DACH1: variants seen among roughly 807,000 people sequenced by gnomAD.
DACH1 encodes the protein dachshund family transcription factor 1, also known as dachshund homolog 1.
In DACH1, 12 loss-of-function variants were observed where a neutral mutation model predicts 54.2. The ratio of observed to expected loss-of-function variants is 0.22; its 90% CI spans 0.14 to 0.36. The LOEUF (loss-of-function observed/expected upper bound fraction) is 0.36, where lower values mean the gene tolerates loss of function less well. Ranked by LOEUF, DACH1 falls within the 10% of genes least tolerant of loss-of-function variation. DACH1 has a pLI of 1.00. For missense variants in DACH1, 805 were observed against 929.8 expected, an observed-to-expected ratio of 0.87 and a Z score of 1.75; for synonymous variants, 386 against 366.2, an observed-to-expected ratio of 1.05 and a Z score of -0.62.
intron 1 of DACH1, among the ~76,000 whole-genome samples, chr13:71,837,265 T>G (rs986565243): frequency 1.1e-4 from 16 of 152,168 alleles, no homozygotes; most frequent in African/African-American, 3.9e-4. Flanking sequence ...AGCATTTATT[T>G]CCTTGAAAGC....
chr13:71,811,894 T>C (rs918001617), intron 1 of DACH1, among the ~76,000 whole-genome samples: 1 of 152,226 alleles, frequency 6.6e-6, no homozygotes, highest in African/African-American at 2.4e-5. Context: ...TGCAAATTTA[T>C]CTTATGTATT....
intron 3 of DACH1, among the ~76,000 whole-genome samples, chr13:71,619,931 G>A (rs967110059): frequency 6.6e-6 from 1 of 151,748 alleles, no homozygotes; most frequent in Non-Finnish European, 1.5e-5. Flanking sequence ...TCTTGATATA[G>A]ACATAGGCTT....
intron 1 of DACH1, among the ~76,000 whole-genome samples, chr13:71,792,488 T>C (rs1886873790): frequency 6.6e-6 from 1 of 152,188 alleles, no homozygotes; most frequent in Non-Finnish European, 1.5e-5. Context: ...AGGATACTTT[T>C]AGTTTTGATA....
intron 3 of DACH1, among the ~76,000 whole-genome samples, chr13:71,601,096 C>T (rs892730793): frequency 5.3e-5 from 8 of 151,924 alleles, no homozygotes; most frequent in Non-Finnish European, 7.4e-5. Flanking sequence ...ATCTATCTAA[C>T]AAAGATAAAA....
intron 3 of DACH1, among the ~76,000 whole-genome samples, chr13:71,589,412 T>C (rs575981401): frequency 2.6e-5 from 4 of 152,144 alleles, no homozygotes; most frequent in Admixed American, 6.5e-5. Context: ...TAGTTTTAAA[T>C]ACCACAGAGA....
At chr13:71,761,810 T>C (rs1292548675) in intron 1 of DACH1, among the ~76,000 whole-genome samples, 1 of 152,000 alleles carries the variant, frequency 6.6e-6, no homozygotes, top group African/African-American at 2.4e-5. Context: ...AAATCAGGAG[T>C]AGGGGATCCT....
At chr13:71,813,572 T>C (rs1887801540) in intron 1 of DACH1, among the ~76,000 whole-genome samples, 1 of 152,130 alleles carries the variant, frequency 6.6e-6, no homozygotes, top group African/African-American at 2.4e-5. Flanking sequence ...TCAAAGACAG[T>C]ACAACTGGGA....
chr13:71,493,472 T>C lies in DACH1; in HGVS notation c.1571-4324A>G, dbSNP rs1344690522. On this transcript the variant is annotated intron_variant, in intron 6 of 10. Coordinates refer to ENST00000613252, the MANE Select transcript of DACH1 (RefSeq NM_080759.6). ...CTAGATTCTTGAGCCACAGAAACTG[T>C]AGGATCATAAATCCTACATAAATGT... Among the ~76,000 whole-genome samples, 4 of 152,310 alleles carry C rather than the reference T, an allele frequency of 2.6e-5. No homozygotes were observed. The East Asian group carries it at 7.7e-4, about 29-fold the overall frequency.
In DACH1 at chr13:71,776,012, A is replaced by C. The variant is rs145155379; in HGVS notation, c.848+89910T>G. ...TTTAAGGCATGACTCAATTTCCATAAAAGTTAATTTCTTGACTTTTCAGTT... is the reference window on the plus strand; with the variant it reads ...TTTAAGGCATGACTCAATTTCCATACAAGTTAATTTCTTGACTTTTCAGTT... On this transcript the variant is annotated intron_variant, in intron 1 of 10. Transcript: ENST00000613252. Among the ~76,000 whole-genome samples the C allele has an allele frequency of 8.4e-3, 1,284 of 152,232 alleles. 25 individuals carry two copies. The highest frequency in any genetic ancestry group is 0.029 in the African/African-American group (1,206 of 41,544).
At chr13:71,676,627 G>A (rs1880592279) in intron 2 of DACH1, among the ~76,000 whole-genome samples, 1 of 152,016 alleles carries the variant, frequency 6.6e-6, no homozygotes, top group Admixed American at 6.6e-5. Flanking sequence ...TATTGTTGCT[G>A]TTTACTATTT....
chr13:71,848,652 C>A (rs1329463960), intron 1 of DACH1, among the ~76,000 whole-genome samples: 2 of 151,878 alleles, frequency 1.3e-5, no homozygotes, highest in Non-Finnish European at 2.9e-5. Context: ...TCAAGTAATC[C>A]TCCTGTCTCA....
At chr13:71,495,253 G>T (rs1368631062) in intron 6 of DACH1, among the ~76,000 whole-genome samples, 1 of 152,028 alleles carries the variant, frequency 6.6e-6, no homozygotes, top group African/African-American at 2.4e-5. Flanking sequence ...GTTTAAAACA[G>T]ATCTGGGAGT....
intron 1 of DACH1, among the ~76,000 whole-genome samples, chr13:71,844,904 A>C (rs1308759236): frequency 1.3e-5 from 2 of 152,124 alleles, no homozygotes; most frequent in Non-Finnish European, 2.9e-5. Flanking sequence ...GGAAGCTTCA[A>C]AAAGTTGATG....
chr13:71,618,506 T>G (rs2138535320), intron 3 of DACH1, among the ~76,000 whole-genome samples: 1 of 152,182 alleles, frequency 6.6e-6, no homozygotes, highest in East Asian at 1.9e-4. Context: ...CTTTTTTCCT[T>G]GTTGTGCATC....
intron 6 of DACH1, among the ~76,000 whole-genome samples, chr13:71,534,722 A>C (rs1882645132): frequency 6.6e-6 from 1 of 151,960 alleles, no homozygotes; most frequent in African/African-American, 2.4e-5. Context: ...TAAGAGGTAA[A>C]ATTTAAAACA....
chr13:71,814,714 G>A (rs1462250428), intron 1 of DACH1, among the ~76,000 whole-genome samples: 4 of 152,178 alleles, frequency 2.6e-5, no homozygotes, highest in Non-Finnish European at 1.5e-5. Context: ...AATTGCCATA[G>A]CAATTGTCGT....
chr13:71,837,205 T>C (rs1228204477), intron 1 of DACH1, among the ~76,000 whole-genome samples: 1 of 152,252 alleles, frequency 6.6e-6, no homozygotes, highest in South Asian at 2.1e-4. Context: ...GAATTTATTT[T>C]AAGCTAGATC....
chr13:71,573,214 C>T (rs900820210), intron 3 of DACH1, among the ~76,000 whole-genome samples: 3 of 152,080 alleles, frequency 2.0e-5, no homozygotes, highest in Non-Finnish European at 2.9e-5. Flanking sequence ...CTAACTTATC[C>T]TGTGTTTAAT....
At chr13:71,676,277 G>T (rs957567260) in intron 2 of DACH1, among the ~76,000 whole-genome samples, 1 of 152,120 alleles carries the variant, frequency 6.6e-6, no homozygotes, top group Admixed American at 6.5e-5. Flanking sequence ...GAGTGCAATG[G>T]TGTGATCTTG....
Sources: allele counts gnomAD v4.1 joint callset (sites outside exome capture counted in the v4.1 genomes callset), GRCh38; gene constraint gnomAD v4.1.1; transcripts MANE v1.5; gene names NCBI Gene and HGNC (gene_info 2026-07-23, HGNC 2026-07-21).